The following WDFY3 variants were observed in gnomAD, a reference collection of about 807,000 sequenced individuals.
WDFY3 encodes the protein WD repeat and FYVE domain containing 3, also known as WD repeat and FYVE domain-containing protein 3.
Under a neutral mutation model 409.6 loss-of-function variants are expected in WDFY3, and 66 were observed. That is an observed-to-expected ratio of 0.16 (90% CI 0.13 to 0.20). The LOEUF is 0.20. WDFY3 is among the 10% of genes least tolerant of loss of function. The pLI is 1.00. For missense variants in WDFY3, 3,031 were observed against 4,298.1 expected (o/e 0.71, Z 8.24); for synonymous variants, 1,521 against 1,537.1 (o/e 0.99, Z 0.25).
intron 46 of WDFY3, among the ~76,000 whole-genome samples, chr4:84,722,904 C>A (rs536730280): frequency 6.6e-6 from 1 of 152,302 alleles, no homozygotes; most frequent in East Asian, 1.9e-4. Flanking sequence ...CAAGAGAGAT[C>A]AAATCCTGCA....
chr4:84,941,014 TACTC>T (rs1211646624), intron 1 of WDFY3, among the ~76,000 whole-genome samples: 1 of 152,052 alleles, frequency 6.6e-6, no homozygotes, highest in Non-Finnish European at 1.5e-5. Flanking sequence ...GAATGAAACT[TACTC>T]AACCTGATAA....
chr4:84,955,976 T>C (rs1209584000), intron 1 of WDFY3, among the ~76,000 whole-genome samples: 1 of 152,122 alleles, frequency 6.6e-6, no homozygotes, highest in African/African-American at 2.4e-5. Flanking sequence ...AACAAATCAG[T>C]TGTCCTTTGA....
chr4:84,729,411 G>A (rs1042042744), intron 44 of WDFY3, among the ~76,000 whole-genome samples: 8 of 151,700 alleles, frequency 5.3e-5, no homozygotes, highest in African/African-American at 1.9e-4. Context: ...CCCCAAGGAA[G>A]GTTACTGTGT....
At chr4:84,862,256 T>C (rs959072060) in intron 3 of WDFY3, among the ~76,000 whole-genome samples, 4 of 152,172 alleles carry the variant, frequency 2.6e-5, no homozygotes, top group African/African-American at 7.2e-5. Context: ...AAATTCTGCC[T>C]AGAACTCTGC....
intron 67 of WDFY3, among the ~76,000 whole-genome samples, chr4:84,675,341 G>A (rs1226870482): frequency 6.6e-6 from 1 of 152,148 alleles, no homozygotes; most frequent in East Asian, 1.9e-4. Context: ...ATTCCCACAG[G>A]AAATGGCTGG....
chr4:84,876,326 A>G (rs919538260), intron 3 of WDFY3, among the ~76,000 whole-genome samples: 2 of 152,238 alleles, frequency 1.3e-5, no homozygotes, highest in African/African-American at 4.8e-5. Context: ...GAGAGACAGT[A>G]TAACATATTA....
intron 3 of WDFY3, among the ~76,000 whole-genome samples, chr4:84,879,118 T>G (rs1443235078): frequency 6.6e-6 from 1 of 152,180 alleles, no homozygotes; most frequent in Non-Finnish European, 1.5e-5. Context: ...GCTCAAAATC[T>G]GGTGGGTCCC....
chr4:84,873,545 G>A (rs1429729882), intron 3 of WDFY3, among the ~76,000 whole-genome samples: 10 of 151,912 alleles, frequency 6.6e-5, no homozygotes, highest in Admixed American at 2.6e-4. Flanking sequence ...AAAGAAGAAC[G>A]ATCTAAGGAT....
chr4:84,715,871 T>C (rs1389628614), intron 49 of WDFY3, among the ~76,000 whole-genome samples: 1 of 151,530 alleles, frequency 6.6e-6, no homozygotes, highest in Non-Finnish European at 1.5e-5. Context: ...TAGATATTTC[T>C]TATTCTGCTC....
At chr4:84,848,212 A>T (rs1197733087) in intron 5 of WDFY3, among the ~76,000 whole-genome samples, 1 of 151,986 alleles carries the variant, frequency 6.6e-6, no homozygotes, top group Admixed American at 6.5e-5. Context: ...TTATTATGAA[A>T]TTTTAGAAAA....
At chr4:84,831,255 C>T (rs1755689607) in intron 8 of WDFY3, among the ~76,000 whole-genome samples, 158 bp downstream of exon 8, 1 of 151,396 alleles carries the variant, frequency 6.6e-6, no homozygotes, top group South Asian at 2.1e-4. Flanking sequence ...TTTGAAATGC[C>T]CCACAGATGA....
At position 84,696,099 on chromosome 4, in the gene WDFY3, T is replaced by C. The variant is rs1730094423; in HGVS notation, c.8772A>G (p.Ala2924=). Residue 2924 remains alanine (A), a synonymous_variant, in exon 58 of 68, where the codon GCA becomes GCG. Transcript: ENST00000295888. ...IFGYKQQGPA[A]VEAVNVFHHL... is the part of the protein sequence containing the mutation. ...GATGGAAGACATTTACAGCTTCTAC[T>C]GCAGCAGGGCCTTGCTGTTTATAAC... 10 of 1,614,066 alleles carry C rather than the reference T, an allele frequency of 6.2e-6. No homozygotes were observed. The highest frequency in any genetic ancestry group is 7.6e-6 in the Non-Finnish European group (9 of 1,180,038).
At chr4:84,715,242 T>G in intron 50 of WDFY3, 56 bp downstream of exon 50, 1 of 953,024 alleles carries the variant, frequency 1.0e-6, no homozygotes. Flanking sequence ...TGAGAAAAGA[T>G]TCCCCCTCCC....
rs189086184 is a variant in WDFY3 at position 84,930,370 on chromosome 4, A to G, written c.-132+1900T>C. 7.7e-4 allele frequency among the ~76,000 whole-genome samples: 117 copies of G among 152,286 alleles called. 2 individuals are homozygous for G. The highest frequency in any genetic ancestry group is 7.3e-5 in the Non-Finnish European group (5 of 68,034). On this transcript the variant is annotated intron_variant, in intron 2 of 67. Transcript: ENST00000295888. ...ATATAATCTAATCTACTCATTTCAG[A>G]AATTGATGATGATAATAATAATGAT...
chr4:84,924,110 G>A lies in WDFY3; in HGVS notation c.-132+8160C>T, dbSNP rs151283145. On this transcript the variant is annotated intron_variant, in intron 2 of 67. Coordinates refer to ENST00000295888, the MANE Select transcript of WDFY3 (RefSeq NM_014991.6). ...AATACACACATTCACATAGGCAACA[G>A]TGATTTAGGGCACAGCCCTAAGAGA... Among the ~76,000 whole-genome samples the A allele has an allele frequency of 1.6e-3, 243 of 152,332 alleles. 2 individuals are homozygous for A. Among genetic ancestry groups the A allele is most frequent in the Non-Finnish European group, 2.7e-3 (181 of 68,032 alleles).
chr4:84,706,121 G>A (rs1731898529), intron 53 of WDFY3, among the ~76,000 whole-genome samples: 1 of 152,164 alleles, frequency 6.6e-6, no homozygotes, highest in Non-Finnish European at 1.5e-5. Context: ...AAGTTGATGA[G>A]TTGACCTAAT....
Position 84,741,827 on chromosome 4 carries a change from A to G in WDFY3, c.6168T>C (p.Leu2056=). The change falls in exon 38 of 68, where the codon CTT becomes CTC. Residue 2056 remains leucine (L), a synonymous_variant. Coordinates refer to ENST00000295888, the MANE Select transcript of WDFY3 (RefSeq NM_014991.6). ...FYFTQRVVDK[L]WQGMFNKESK... is the part of the protein sequence containing the mutation. ...ATTCTTTGTTGAACATGCCTTGCCA[A>G]AGCTTGTCCACCACACGCTGTGTGA... is the stretch of plus-strand genomic sequence containing the variant. 2 of 1,613,650 alleles carry G rather than the reference A, an allele frequency of 1.2e-6. No homozygotes were observed. Among genetic ancestry groups the G allele is most frequent in the Non-Finnish European group, 1.7e-6 (2 of 1,179,596 alleles).
intron 3 of WDFY3, among the ~76,000 whole-genome samples, chr4:84,894,312 T>TAATAC (rs1430122320): frequency 6.6e-6 from 1 of 152,238 alleles, no homozygotes; most frequent in African/African-American, 2.4e-5. Context: ...TGTACTTATG[T>TAATAC]ATAAGTGATT....
chr4:84,918,072 T>G (rs773582018), intron 2 of WDFY3, among the ~76,000 whole-genome samples: 1 of 152,114 alleles, frequency 6.6e-6, no homozygotes, highest in Non-Finnish European at 1.5e-5. Flanking sequence ...GGTAAGGCTG[T>G]GGGAAAACAG....
Sources: allele counts gnomAD v4.1 joint callset (sites outside exome capture counted in the v4.1 genomes callset), GRCh38; gene constraint gnomAD v4.1.1; transcripts MANE v1.5; gene names NCBI Gene and HGNC (gene_info 2026-07-23, HGNC 2026-07-21).